CACUL1: variants seen among roughly 807,000 people sequenced by gnomAD.
CACUL1 encodes the protein CDK2 associated cullin domain 1.
A neutral mutation model predicts 45.2 loss-of-function variants in CACUL1; 13 were observed. The ratio of observed to expected loss-of-function variants is 0.29; its 90% CI spans 0.19 to 0.46. The LOEUF (loss-of-function observed/expected upper bound fraction) is 0.46. Among genes scored for constraint, CACUL1 ranks in the 20% least tolerant of loss-of-function variants. CACUL1 has a pLI of 1.00. For synonymous variants in CACUL1, 197 were observed against 174.2 expected (o/e 1.13, Z -1.03); for missense variants, 421 against 471.4 (o/e 0.89, Z 0.99).
chr10:118,689,829 T>C (rs1589601392), intron 7 of CACUL1, among the ~76,000 whole-genome samples: 1 of 152,246 alleles, frequency 6.6e-6, no homozygotes, highest in African/African-American at 2.4e-5. Context: ...ACAAGAGCTA[T>C]ATTCCTATAC....
intron 1 of CACUL1, among the ~76,000 whole-genome samples, chr10:118,750,383 G>A (rs1589622102): frequency 6.6e-6 from 1 of 152,052 alleles, no homozygotes; most frequent in East Asian, 1.9e-4. Context: ...TGTTTGGCCA[G>A]AGCAAAAGAG....
intron 3 of CACUL1, among the ~76,000 whole-genome samples, chr10:118,708,854 C>G (rs1372878693): frequency 6.6e-6 from 1 of 152,156 alleles, no homozygotes; most frequent in Non-Finnish European, 1.5e-5. Flanking sequence ...TCTTGGACTT[C>G]CTAGCCTCCG....
chr10:118,753,988 A>G (rs1171751023), intron 1 of CACUL1, among the ~76,000 whole-genome samples: 1 of 152,248 alleles, frequency 6.6e-6, no homozygotes, highest in African/African-American at 2.4e-5. Flanking sequence ...CTCTGGCTGC[A>G]GAAGACTGAA....
intron 5 of CACUL1, among the ~76,000 whole-genome samples, chr10:118,698,708 G>A (rs2119568386): frequency 6.6e-6 from 1 of 152,282 alleles, no homozygotes; most frequent in East Asian, 1.9e-4. Context: ...ATCAGACAAT[G>A]CTGAGCAGAA....
chr10:118,720,795 A>C (rs1230363415), intron 3 of CACUL1, among the ~76,000 whole-genome samples: 3 of 152,238 alleles, frequency 2.0e-5, no homozygotes, highest in African/African-American at 4.8e-5. Flanking sequence ...TCAAAGGAAG[A>C]TAGTAAACTT....
intron 1 of CACUL1, among the ~76,000 whole-genome samples, chr10:118,752,221 G>A (rs1845905795): frequency 6.6e-6 from 1 of 152,104 alleles, no homozygotes; most frequent in African/African-American, 2.4e-5. Context: ...AATGACAGGA[G>A]CATCCTTATC....
chr10:118,709,419 A>C (rs1845463994), intron 3 of CACUL1, among the ~76,000 whole-genome samples: 2 of 152,234 alleles, frequency 1.3e-5, no homozygotes, highest in African/African-American at 4.8e-5. Context: ...CCATTTTAAC[A>C]CTAAAGAAAC....
chr10:118,712,535 A>C (rs933061083), intron 3 of CACUL1, among the ~76,000 whole-genome samples: 1 of 152,346 alleles, frequency 6.6e-6, no homozygotes, highest in Middle Eastern at 3.4e-3. Context: ...CTGTGACCAG[A>C]AGAAAAGGTA....
chr10:118,741,455 G>GAGAC (rs892067148), intron 1 of CACUL1, among the ~76,000 whole-genome samples: 3 of 150,328 alleles, frequency 2.0e-5, no homozygotes, highest in African/African-American at 7.5e-5. Flanking sequence ...CACCTTAAAA[G>GAGAC]AGACAGACAG....
rs150914082 is a variant in CACUL1 at position 118,679,847 on chromosome 10, G to C, written c.*6281C>G. 1 of 152,084 alleles carries C rather than the reference G, an allele frequency of 6.6e-6. No individual in the cohort carries two copies. The highest frequency in any genetic ancestry group is 1.9e-4 in the East Asian group (1 of 5,164). The allele number at this position is 152,084 out of a possible 1,614,324, so 9.4% of individuals were successfully genotyped here. A position where few individuals can be genotyped will look rare whatever the true frequency, so the allele number is the denominator to read the frequency against. Reference sequence around the variant, plus strand: ...ATTTAAAAAATTTTTTTGTAGAGATGGGGTTCTGTGTTACCCAGGCTGGTC... The same window carrying C: ...ATTTAAAAAATTTTTTTGTAGAGATCGGGTTCTGTGTTACCCAGGCTGGTC... On this transcript the variant is annotated 3_prime_UTR_variant, in exon 9 of 9. Coordinates refer to ENST00000369151, the MANE Select transcript of CACUL1 (RefSeq NM_153810.5).
chr10:118,718,171 C>T (rs1253537256), intron 3 of CACUL1, among the ~76,000 whole-genome samples: 1 of 152,168 alleles, frequency 6.6e-6, no homozygotes, highest in Non-Finnish European at 1.5e-5. Context: ...AGGTCAGCAA[C>T]CATTTTCAGG....
chr10:118,744,748 T>C (rs758736513), intron 1 of CACUL1, among the ~76,000 whole-genome samples: 2 of 152,110 alleles, frequency 1.3e-5, no homozygotes, highest in African/African-American at 2.4e-5. Flanking sequence ...CACCACCTCC[T>C]GGGTTCAAGC....
chr10:118,719,985 T>C (rs1278098353), intron 3 of CACUL1, among the ~76,000 whole-genome samples: 1 of 152,280 alleles, frequency 6.6e-6, no homozygotes, highest in East Asian at 1.9e-4. Flanking sequence ...ATTAGACACT[T>C]CTCATATAAA....
chr10:118,728,227 C>CATGTGCTA (rs1367876646), intron 3 of CACUL1, among the ~76,000 whole-genome samples: 2 of 152,244 alleles, frequency 1.3e-5, no homozygotes. Context: ...CACACCCCAG[C>CATGTGCTA]ATGTGCTATA....
At position 118,721,633 on chromosome 10, in the gene CACUL1, C is replaced by T. The variant is rs766731094; in HGVS notation, c.597+7662G>A. 8.1e-4 allele frequency among the ~76,000 whole-genome samples: 123 copies of T among 152,150 alleles called. 1 individual carries two copies. Among genetic ancestry groups the T allele is most frequent in the South Asian group, 1.0e-3 (5 of 4,808 alleles). ...CCTGAATGCAGGTTAGTAATATCGG[C>T]GCTAATCTTCCCACTTGAATGTTAC... is the stretch of plus-strand genomic sequence containing the variant. On this transcript the variant is annotated intron_variant, in intron 3 of 8. Coordinates refer to ENST00000369151, the MANE Select transcript of CACUL1 (RefSeq NM_153810.5).
intron 3 of CACUL1, among the ~76,000 whole-genome samples, chr10:118,722,982 G>T (rs2119625190): frequency 6.6e-6 from 1 of 152,316 alleles, no homozygotes; most frequent in South Asian, 2.1e-4. Context: ...ATAATTAAAA[G>T]TAGGTATGAG....
At chr10:118,720,719 T>C (rs1425851841) in intron 3 of CACUL1, among the ~76,000 whole-genome samples, 1 of 152,234 alleles carries the variant, frequency 6.6e-6, no homozygotes, top group African/African-American at 2.4e-5. Flanking sequence ...TGGATCTCTA[T>C]TTTTGGGCCT....
intron 6 of CACUL1, chr10:118,692,592 G>A (rs1845282714): frequency 6.6e-6 from 1 of 152,120 alleles, no homozygotes; most frequent in African/African-American, 2.4e-5. Context: ...CTTCCTTGGT[G>A]GTGGTCCTCA....
intron 7 of CACUL1, among the ~76,000 whole-genome samples, chr10:118,686,961 C>A (rs1203756782): frequency 6.6e-6 from 1 of 152,192 alleles, no homozygotes; most frequent in African/African-American, 2.4e-5. Context: ...TCCAGCTTCT[C>A]AGACAATAAC....
Sources: gnomAD v4.1 joint callset for allele counts (sites outside exome capture counted in the v4.1 genomes callset) on GRCh38, gnomAD v4.1.1 for gene constraint, MANE v1.5 for transcripts, NCBI Gene and HGNC (gene_info 2026-07-23, HGNC 2026-07-21) for gene names.